NDNF: variants seen among roughly 807,000 people sequenced by gnomAD.
NDNF encodes the protein protein NDNF.
Under a neutral mutation model 42.0 loss-of-function variants are expected in NDNF, and 16 were observed. That is an observed-to-expected ratio of 0.38 (90% confidence interval 0.26 to 0.58). The LOEUF is 0.58. Ranked by LOEUF, NDNF falls within the 20% of genes least tolerant of loss-of-function variation. The pLI is 0.67. For missense variants in NDNF, 616 were observed against 666.2 expected (o/e 0.92, Z 0.83); for synonymous variants, 248 against 251.7 (o/e 0.99, Z 0.14).
chr4:121,042,931 T>C (rs72911681), intron 2 of NDNF, among the ~76,000 whole-genome samples: 4,780 of 152,248 alleles, frequency 0.031, 239 homozygotes, highest in African/African-American at 0.11. Context: ...AAAACAATGC[T>C]TTCATTCCAC....
chr4:121,060,829 T>A (rs1727392501), intron 1 of NDNF, among the ~76,000 whole-genome samples: 1 of 152,208 alleles, frequency 6.6e-6, no homozygotes, highest in Non-Finnish European at 1.5e-5. Flanking sequence ...GCAGTTCTTT[T>A]GATGGGTCAG....
At chr4:121,039,174 G>A (rs79921299) in intron 3 of NDNF, among the ~76,000 whole-genome samples, 2,553 of 12,702 alleles carry the variant, frequency 0.2, 180 homozygotes, top group African/African-American at 0.27. Flanking sequence ...TATATATAAA[G>A]ACTATGTGTG....
chr4:121,043,533 T>C (rs1305562267), intron 2 of NDNF, among the ~76,000 whole-genome samples: 2 of 152,148 alleles, frequency 1.3e-5, no homozygotes, highest in Non-Finnish European at 2.9e-5. Flanking sequence ...ATATAAAGAA[T>C]GAATAAATGA....
rs1452126783 is a variant in NDNF, at chr4:121,056,080, CAGAT to C, written c.-1-10246_-1-10243del. On this transcript the variant is annotated intron_variant, in intron 1 of 3. Transcript: ENST00000379692. ...GACCTCTTCATAAACTGTATCCAAA[CAGAT>C]AGGCTAAATAAAACCTGTGAGCCTT... 2.6e-5 allele frequency among the ~76,000 whole-genome samples: 4 copies of C among 152,286 alleles called. No individual in the cohort carries two copies. In the East Asian group the frequency reaches 7.7e-4, roughly 29 times the overall value.
chr4:121,042,271 T>A (rs1224027501), intron 2 of NDNF, among the ~76,000 whole-genome samples: 1 of 152,194 alleles, frequency 6.6e-6, no homozygotes, highest in Non-Finnish European at 1.5e-5. Context: ...AACCTAAGAA[T>A]CCTAACACCA....
intron 2 of NDNF, among the ~76,000 whole-genome samples, chr4:121,042,511 A>G (rs1727015506): frequency 6.6e-6 from 1 of 152,218 alleles, no homozygotes; most frequent in Admixed American, 6.5e-5. Context: ...GACAAAATAG[A>G]TGATTGAATT....
At chr4:121,046,693 T>C (rs1395915207) in intron 1 of NDNF, among the ~76,000 whole-genome samples, 1 of 152,244 alleles carries the variant, frequency 6.6e-6, no homozygotes, top group Non-Finnish European at 1.5e-5. Flanking sequence ...CAGAGAGTAC[T>C]TTCACTGAGT....
intron 1 of NDNF, among the ~76,000 whole-genome samples, chr4:121,070,458 G>A (rs1438068778): frequency 6.6e-6 from 1 of 152,118 alleles, no homozygotes; most frequent in African/African-American, 2.4e-5. Flanking sequence ...TTCCATTGAT[G>A]ACTCCCCTGG....
intron 1 of NDNF, among the ~76,000 whole-genome samples, chr4:121,051,294 TTGTTCTGCAAGGAG>T (rs916875063): frequency 6.6e-6 from 1 of 152,180 alleles, no homozygotes; most frequent in Non-Finnish European, 1.5e-5. Context: ...AGCGTTTTTA[TTGTTCTGCAAGGAG>T]TAGGGAGTGG....
intron 1 of NDNF, among the ~76,000 whole-genome samples, chr4:121,049,364 G>T (rs1402731136): frequency 1.3e-5 from 2 of 152,172 alleles, no homozygotes; most frequent in African/African-American, 4.8e-5. Flanking sequence ...AAGATTTTAG[G>T]TCCCTAAATT....
chr4:121,044,777 C>A (rs557101533), intron 2 of NDNF, among the ~76,000 whole-genome samples: 46 of 152,142 alleles, frequency 3.0e-4, no homozygotes, highest in African/African-American at 8.4e-4. Context: ...CCAGCCTGGG[C>A]AACATAGTGA....
rs1727618196 is a variant in NDNF, at chr4:121,072,206, A to AGGCGGGCGAG, written c.-225_-216dup. ...TTGCGGTCGGCACAGCAAACTTCAA[A>AGGCGGGCGAG]GGCGGGCGAGGGCGGGCGGCGCGCG... On this transcript the variant is annotated 5_prime_UTR_variant, in exon 1 of 4. Coordinates refer to ENST00000379692, the MANE Select transcript of NDNF (RefSeq NM_024574.4). 6.6e-6 allele frequency: 1 copy of AGGCGGGCGAG among 152,516 alleles called. No homozygotes were observed. The highest frequency in any genetic ancestry group is 2.1e-4 in the South Asian group (1 of 4,842). 9.4% of individuals were successfully genotyped at this position (152,516 alleles called of 1,614,324 possible).
chr4:121,039,942 C>T lies in NDNF; in HGVS notation c.301G>A (p.Gly101Arg), dbSNP rs200916360. The change falls in exon 3 of 4, where the codon GGG (glycine) becomes AGG (arginine). Residue 101 changes from glycine to arginine, a missense_variant. Transcript: ENST00000379692. ...SLQELPEDRS[G>R]EGSGDLEPLE... ...TCCTGCTGCTTACCTGAGCCTTCCC[C>T]GCTCCTGTCCTCTGGCAGCTCCTGG... is the stretch of plus-strand genomic sequence containing the variant. The T allele has an allele frequency of 1.1e-5, 18 of 1,613,796 alleles. No homozygotes were observed. The highest frequency in any genetic ancestry group is 4.0e-5 in the African/African-American group (3 of 75,030).
intron 2 of NDNF, among the ~76,000 whole-genome samples, chr4:121,041,450 C>T (rs566918325): frequency 1.3e-4 from 20 of 152,182 alleles, no homozygotes; most frequent in Non-Finnish European, 2.2e-4. Flanking sequence ...TTCCTTCTCA[C>T]CTCCCTGAAC....
intron 1 of NDNF, among the ~76,000 whole-genome samples, chr4:121,055,070 G>T (rs952490304): frequency 4.6e-5 from 7 of 152,104 alleles, no homozygotes; most frequent in Non-Finnish European, 1.0e-4. Context: ...CTGGGCTCGG[G>T]TGATCCTTCC....
Position 121,037,504 on chromosome 4 carries a change from T to A in NDNF, c.467A>T (p.Asp156Val), listed in dbSNP as rs765312059. 2.5e-6 allele frequency: 4 copies of A among 1,614,166 alleles called. No homozygotes were observed. The highest frequency in any genetic ancestry group is 3.4e-6 in the Non-Finnish European group (4 of 1,180,016). Residue 156 changes from aspartate to valine, a missense_variant, in exon 4 of 4, where the codon GAC becomes GTC. Coordinates refer to ENST00000379692, the MANE Select transcript of NDNF (RefSeq NM_024574.4). ...YQLDLLSTEK[D>V]THFKVYATTT... ...GGTGGCATATACTTTGAAATGTGTGTCTTTCTCTGTTGAAAGAAGATCCAA... is the reference window on the plus strand; with the variant it reads ...GGTGGCATATACTTTGAAATGTGTGACTTTCTCTGTTGAAAGAAGATCCAA...
intron 1 of NDNF, among the ~76,000 whole-genome samples, chr4:121,070,977 T>C (rs1054040314): frequency 6.6e-6 from 1 of 152,122 alleles, no homozygotes; most frequent in Non-Finnish European, 1.5e-5. Context: ...CCGGGAGCTC[T>C]CACGCCTGGG....
chr4:121,052,576 T>A (rs967982750), intron 1 of NDNF, among the ~76,000 whole-genome samples: 1 of 152,196 alleles, frequency 6.6e-6, no homozygotes, highest in Non-Finnish European at 1.5e-5. Flanking sequence ...CATGTCACAT[T>A]TGATAATAAA....
intron 1 of NDNF, among the ~76,000 whole-genome samples, chr4:121,050,629 A>G (rs1397646): frequency 0.85 from 129,189 of 152,114 alleles, 55,138 homozygotes; most frequent in East Asian, 0.97. Context: ...CCACAACCCA[A>G]AAGAACTTGG....
Sources: allele counts gnomAD v4.1 joint callset (sites outside exome capture counted in the v4.1 genomes callset), GRCh38; gene constraint gnomAD v4.1.1; transcripts MANE v1.5; gene names NCBI Gene and HGNC (gene_info 2026-07-23, HGNC 2026-07-21).